KCNQ1: variants seen among roughly 807,000 people sequenced by gnomAD.
KCNQ1 encodes the protein potassium voltage-gated channel subfamily KQT member 1.
In KCNQ1, 49 loss-of-function variants were observed where a neutral mutation model predicts 72.4. The observed-to-expected ratio is 0.68, with a 90% CI of 0.54 to 0.86. The LOEUF is 0.86. Among genes scored for constraint, KCNQ1 ranks in the 40% least tolerant of loss-of-function variants. The pLI, the probability that KCNQ1 is intolerant of heterozygous loss-of-function variation, is 0.00. For missense variants in KCNQ1, 790 were observed against 945.1 expected (o/e 0.84, Z 2.15); for synonymous variants, 450 against 412.6 (o/e 1.09, Z -1.10).
chr11:2,502,551 G>T (rs1368625658), intron 1 of KCNQ1, among the ~76,000 whole-genome samples: 2 of 152,112 alleles, frequency 1.3e-5, no homozygotes, highest in African/African-American at 2.4e-5. Flanking sequence ...CCCAAAAATG[G>T]TAAGATATTT....
At chr11:2,641,658 A>G (rs1292741635) in intron 10 of KCNQ1, 2 of 397,942 alleles carry the variant, frequency 5.0e-6, no homozygotes, top group Admixed American at 4.4e-5. Flanking sequence ...CCATTTGTCT[A>G]TTTTTGTTTT....
In KCNQ1 at chr11:2,544,574, G is replaced by GTCATTTTAA. The variant is rs1847878758; in HGVS notation, c.477+16556_477+16557insTCATTTTAA. Among the ~76,000 whole-genome samples, 1 of 150,804 alleles carries GTCATTTTAA rather than the reference G, an allele frequency of 6.6e-6. No homozygotes were observed. The highest frequency in any genetic ancestry group is 6.6e-5 in the Admixed American group (1 of 15,078). On this transcript the variant is annotated intron_variant, in intron 2 of 15. Coordinates refer to ENST00000155840, the MANE Select transcript of KCNQ1 (RefSeq NM_000218.3). This position sits in a 1 kb window ranked among gnomAD's most constrained non-coding sequence, Gnocchi z 4.4. ...TGTATAGGTCTTGTACATCTTTTGAGGTACCTAAGTGTTTCATATTTTTTA... is the reference window on the plus strand; with the variant it reads ...TGTATAGGTCTTGTACATCTTTTGAGTCATTTTAAGTACCTAAGTGTTTCATATTTTTTA...
Position 2,759,936 on chromosome 11 carries a change from C to G in KCNQ1, c.1515-8908C>G, listed in dbSNP as rs1846362938. Among the ~76,000 whole-genome samples the G allele has an allele frequency of 6.6e-6, 1 of 152,220 alleles. No individual in the cohort carries two copies. The highest frequency in any genetic ancestry group is 2.4e-5 in the African/African-American group (1 of 41,454). ...ACATGCCAGCCCCTACCCTGGGCCT[C>G]AGGATCTGCCTGGATGGAGGCCAGG... is the stretch of plus-strand genomic sequence containing the variant. On this transcript the variant is annotated intron_variant, in intron 11 of 15. Transcript: ENST00000155840. The surrounding 1 kb of genome is among the most constrained non-coding windows in gnomAD (Gnocchi z 4.4).
rs898171360 is a variant in KCNQ1 at position 2,826,341 on chromosome 11, C to T, written c.1795-21426C>T. ...TTAACCCTTCGGGCTCCAGTATTCC[C>T]CAGCTTCCCAGGGTCTCCTGGCAGT... On this transcript the variant is annotated intron_variant, in intron 15 of 15. Coordinates refer to ENST00000155840, the MANE Select transcript of KCNQ1 (RefSeq NM_000218.3). The surrounding 1 kb of genome is among the most constrained non-coding windows in gnomAD (Gnocchi z 4.2). 2.0e-5 allele frequency among the ~76,000 whole-genome samples: 3 copies of T among 152,254 alleles called. No individual in the cohort carries two copies. The highest frequency in any genetic ancestry group is 1.3e-4 in the Admixed American group (2 of 15,292).
At position 2,781,067 on chromosome 11, in the gene KCNQ1, C is replaced by A. The variant is rs551548715; in HGVS notation, c.1794+3030C>A. ...CTCCTCACAGCGAGTCTACTTCCTG[C>A]GGGCCTCCCTCCCCTGTCAAATGAG... On this transcript the variant is annotated intron_variant, in intron 15 of 15. Transcript: ENST00000155840. This position sits in a 1 kb window ranked among gnomAD's most constrained non-coding sequence, Gnocchi z 6.6. Among the ~76,000 whole-genome samples the A allele has an allele frequency of 5.3e-4, 80 of 152,142 alleles. 1 individual carries two copies. Among genetic ancestry groups the A allele is most frequent in the Non-Finnish European group, 1.1e-3 (73 of 68,040 alleles).
Position 2,612,869 on chromosome 11 carries a change from T to C in KCNQ1, c.1393+24015T>C, listed in dbSNP as rs1849003321. 2.5e-6 allele frequency: 1 copy of C among 398,604 alleles called. No individual in the cohort carries two copies. The highest frequency in any genetic ancestry group is 4.4e-6 in the Non-Finnish European group (1 of 226,068). 24.7% of individuals were successfully genotyped at this position (398,604 alleles called of 1,614,324 possible). On this transcript the variant is annotated intron_variant, in intron 10 of 15. Transcript: ENST00000155840. This position sits in a 1 kb window ranked among gnomAD's most constrained non-coding sequence, Gnocchi z 5.5. Reference sequence around the variant, plus strand: ...TAGAAACTCTGGATTCTAGTTCTTCTCCCTAACCAGGGATGATTTCTGTTA... The same window carrying C: ...TAGAAACTCTGGATTCTAGTTCTTCCCCCTAACCAGGGATGATTTCTGTTA...
rs1340533787 is a variant in KCNQ1, at chr11:2,565,837, G to A, written c.478-4791G>A. Among the ~76,000 whole-genome samples, 1 of 152,230 alleles carries A rather than the reference G, an allele frequency of 6.6e-6. No homozygotes were observed. The highest frequency in any genetic ancestry group is 1.5e-5 in the Non-Finnish European group (1 of 68,048). On this transcript the variant is annotated intron_variant, in intron 2 of 15. Coordinates refer to ENST00000155840, the MANE Select transcript of KCNQ1 (RefSeq NM_000218.3). This position sits in a 1 kb window ranked among gnomAD's most constrained non-coding sequence, Gnocchi z 5.6. ...GGAGGGGCAGAACCCATGGGGTTTG[G>A]CTTCCTGACCCTGAACGTCTTTGTC...
chr11:2,731,558 C>A (rs1389287505), intron 11 of KCNQ1, among the ~76,000 whole-genome samples: 1 of 152,256 alleles, frequency 6.6e-6, no homozygotes, highest in Non-Finnish European at 1.5e-5. Flanking sequence ...AGAGGGCTTT[C>A]CTCCCATGTC....
chr11:2,710,394 C>T lies in KCNQ1; in HGVS notation c.1514+48313C>T, dbSNP rs1179666904. Among the ~76,000 whole-genome samples the T allele has an allele frequency of 6.6e-6, 1 of 152,092 alleles. No homozygotes were observed. ...TTTTTTATATTCTAGATTCAAGTTC[C>T]TTATCAGATATATTTTCTTCCTTTT... On this transcript the variant is annotated intron_variant, in intron 11 of 15. Transcript: ENST00000155840. This position sits in a 1 kb window ranked among gnomAD's most constrained non-coding sequence, Gnocchi z 4.1.
Position 2,723,259 on chromosome 11 carries a change from C to A in KCNQ1, c.1515-45585C>A, listed in dbSNP as rs982810161. Among the ~76,000 whole-genome samples, 2 of 152,236 alleles carry A rather than the reference C, an allele frequency of 1.3e-5. No homozygotes were observed. The highest frequency in any genetic ancestry group is 2.9e-5 in the Non-Finnish European group (2 of 68,048). ...ACTCCCTGCCGCCCTGGACAAGGTG[C>A]CCACGGCCCTGTCCCATTTACCGTT... On this transcript the variant is annotated intron_variant, in intron 11 of 15. Transcript: ENST00000155840. This position sits in a 1 kb window ranked among gnomAD's most constrained non-coding sequence, Gnocchi z 4.2.
intron 11 of KCNQ1, among the ~76,000 whole-genome samples, chr11:2,733,848 T>G (rs1404292485): frequency 1.7e-4 from 6 of 36,156 alleles, no homozygotes; most frequent in African/African-American, 6.5e-4. Flanking sequence ...TCTCTCTCTC[T>G]CTCTCTCTCC....
chr11:2,514,031 C>T (rs1427230088), intron 1 of KCNQ1, among the ~76,000 whole-genome samples: 1 of 152,226 alleles, frequency 6.6e-6, no homozygotes, highest in African/African-American at 2.4e-5. Flanking sequence ...GACTCTTTGT[C>T]TCCATTTGGG....
In KCNQ1 at chr11:2,544,381, TGTGC is replaced by T. The variant is rs1444000277; in HGVS notation, c.477+16364_477+16367del. Among the ~76,000 whole-genome samples the T allele has an allele frequency of 1.4e-3, 152 of 107,366 alleles. 3 individuals carry two copies. Among genetic ancestry groups the T allele is most frequent in the African/African-American group, 1.3e-3 (34 of 26,504 alleles). The allele number at this position is 107,366 out of a possible 152,430, so 70.4% of individuals were successfully genotyped here. A position where few individuals can be genotyped will look rare whatever the true frequency, so the allele number is the denominator to read the frequency against. On this transcript the variant is annotated intron_variant, in intron 2 of 15. Transcript: ENST00000155840. The surrounding 1 kb of genome is among the most constrained non-coding windows in gnomAD (Gnocchi z 4.4). ...GTGTATATATATGTGTATATATATGTGTGCATATATGTGTATATATGTGTGTGTA... is the reference window on the plus strand; with the variant it reads ...GTGTATATATATGTGTATATATATGTATATATGTGTATATATGTGTGTGTA...
chr11:2,604,983 C>T (rs768283476), intron 10 of KCNQ1, among the ~76,000 whole-genome samples: 39 of 152,260 alleles, frequency 2.6e-4, no homozygotes, highest in Non-Finnish European at 4.9e-4. Flanking sequence ...CAATTATAGC[C>T]ATCTTAGTGG....
rs1303589010 is a variant in KCNQ1 at position 2,784,496 on chromosome 11, G to A, written c.1794+6459G>A. ...AATTTTGTTCATCTTTTTACAAATT[G>A]TTTCTGTCTATTCTAAGTCCTATGA... On this transcript the variant is annotated intron_variant, in intron 15 of 15. Transcript: ENST00000155840. The surrounding 1 kb of genome is among the most constrained non-coding windows in gnomAD (Gnocchi z 4.7). 6.6e-6 allele frequency among the ~76,000 whole-genome samples: 1 copy of A among 151,722 alleles called. No individual in the cohort carries two copies. Among genetic ancestry groups the A allele is most frequent in the Non-Finnish European group, 1.5e-5 (1 of 67,754 alleles).
At chr11:2,675,965 G>A (rs977958475) in intron 11 of KCNQ1, 4 of 398,446 alleles carry the variant, frequency 1.0e-5, no homozygotes, top group African/African-American at 8.2e-5. Flanking sequence ...GTACAAAAGG[G>A]GTGAAAAATA....
Position 2,827,653 on chromosome 11 carries a change from G to T in KCNQ1, c.1795-20114G>T, listed in dbSNP as rs1847866681. Among the ~76,000 whole-genome samples the T allele has an allele frequency of 6.6e-6, 1 of 151,260 alleles. No individual in the cohort carries two copies. The highest frequency in any genetic ancestry group is 2.4e-5 in the African/African-American group (1 of 41,128). ...AAAAAAGTGGGGTCGGGGGGGCGGG[G>T]GAGAGCGGCTATGGAGACAAGTGGC... On this transcript the variant is annotated intron_variant, in intron 15 of 15. Transcript: ENST00000155840. The surrounding 1 kb of genome is among the most constrained non-coding windows in gnomAD (Gnocchi z 6.7).
Position 2,547,382 on chromosome 11 carries a change from C to T in KCNQ1, c.477+19364C>T, listed in dbSNP as rs1293907287. ...AGTAGCTGGGATTATAGGTGGGCGC[C>T]ACCACACCTGGCTAATTTTTTTTGT... is the stretch of plus-strand genomic sequence containing the variant. On this transcript the variant is annotated intron_variant, in intron 2 of 15. Coordinates refer to ENST00000155840, the MANE Select transcript of KCNQ1 (RefSeq NM_000218.3). This position sits in a 1 kb window ranked among gnomAD's most constrained non-coding sequence, Gnocchi z 4.2. 6.6e-6 allele frequency among the ~76,000 whole-genome samples: 1 copy of T among 152,086 alleles called. No homozygotes were observed. The highest frequency in any genetic ancestry group is 1.5e-5 in the Non-Finnish European group (1 of 68,026).
intron 15 of KCNQ1, among the ~76,000 whole-genome samples, chr11:2,780,174 A>T (rs1846796968): frequency 6.6e-6 from 1 of 152,194 alleles, no homozygotes; most frequent in African/African-American, 2.4e-5. Flanking sequence ...AGGAGTTGAC[A>T]GAGCTGTGCT....
Sources: gnomAD v4.1 joint callset for allele counts (sites outside exome capture counted in the v4.1 genomes callset) on GRCh38, gnomAD v4.1.1 for gene constraint, Gnocchi (gnomAD v3.1) non-coding constraint, MANE v1.5 for transcripts, NCBI Gene and HGNC (gene_info 2026-07-23, HGNC 2026-07-21) for gene names.